Variants in THSD4 observed in about 807,000 individuals in gnomAD.
THSD4 encodes the protein thrombospondin type-1 domain-containing protein 4.
In THSD4, 69 loss-of-function variants were observed where a neutral mutation model predicts 119.0. That is an observed-to-expected ratio of 0.58 (90% CI 0.48 to 0.71). The LOEUF (loss-of-function observed/expected upper bound fraction) is 0.71. Ranked by LOEUF, THSD4 falls within the 30% of genes least tolerant of loss-of-function variation. The probability of loss-of-function intolerance (pLI) is 0.00; values close to 1 mark genes in which losing one functional copy is unlikely to be tolerated. For missense variants in THSD4, 1,393 were observed against 1,391.1 expected (o/e 1.00, Z -0.02); for synonymous variants, 524 against 540.4 (o/e 0.97, Z 0.42).
At chr15:71,386,616 T>C (rs1179158444) in intron 6 of THSD4, among the ~76,000 whole-genome samples, 1 of 152,230 alleles carries the variant, frequency 6.6e-6, no homozygotes, top group Non-Finnish European at 1.5e-5. Context: ...AATGCAGACA[T>C]TTAAATTTCC....
chr15:71,402,594 G>T (rs939779249), intron 6 of THSD4, among the ~76,000 whole-genome samples: 1 of 152,180 alleles, frequency 6.6e-6, no homozygotes, highest in African/African-American at 2.4e-5. Context: ...AGCAGGGAGA[G>T]CCCTGAAGAG....
intron 7 of THSD4, among the ~76,000 whole-genome samples, chr15:71,436,422 A>G (rs944426012): frequency 1.3e-5 from 2 of 152,184 alleles, no homozygotes; most frequent in African/African-American, 4.8e-5. Context: ...ATTAATCTTA[A>G]ATTTGGAAAG....
At chr15:71,408,999 TTA>T (rs1387719904) in intron 6 of THSD4, among the ~76,000 whole-genome samples, 1 of 152,046 alleles carries the variant, frequency 6.6e-6, no homozygotes, top group Non-Finnish European at 1.5e-5. Context: ...GTCCTCAGGT[TTA>T]TTTATCTCCT....
At chr15:71,212,039 GT>G (rs1596271525) in intron 3 of THSD4, among the ~76,000 whole-genome samples, 2 of 152,170 alleles carry the variant, frequency 1.3e-5, no homozygotes, top group East Asian at 3.9e-4. Flanking sequence ...AGGGGAGAGG[GT>G]TGTCAGGAGG....
At chr15:71,488,554 T>C (rs551568759) in intron 7 of THSD4, among the ~76,000 whole-genome samples, 5 of 123,764 alleles carry the variant, frequency 4.0e-5, no homozygotes, top group South Asian at 5.4e-4. Context: ...TGAGGCTCTT[T>C]AGCAACTTTC....
At chr15:71,172,258 G>A (rs991454014) in intron 3 of THSD4, 1 of 152,142 alleles carries the variant, frequency 6.6e-6, no homozygotes, top group Non-Finnish European at 1.5e-5. Context: ...CTGGGAGGCA[G>A]AGGTTGCAGT....
chr15:71,292,826 A>G (rs1456818960), intron 6 of THSD4, among the ~76,000 whole-genome samples: 27 of 151,788 alleles, frequency 1.8e-4, no homozygotes, highest in Admixed American at 1.7e-3. Flanking sequence ...ACAGGCACCC[A>G]CCACCACGCC....
intron 8 of THSD4, among the ~76,000 whole-genome samples, chr15:71,708,898 T>C (rs769718421): frequency 9.2e-5 from 14 of 152,244 alleles, no homozygotes; most frequent in South Asian, 2.1e-4. Flanking sequence ...GTTATGGTGC[T>C]GCACACAGCT....
intron 1 of THSD4, among the ~76,000 whole-genome samples, chr15:71,123,643 G>T (rs552499062): frequency 6.6e-6 from 1 of 152,334 alleles, no homozygotes; most frequent in East Asian, 1.9e-4. Flanking sequence ...TAAACATGCC[G>T]TAGAGAGGCT....
intron 7 of THSD4, among the ~76,000 whole-genome samples, chr15:71,619,787 A>G (rs2050388923): frequency 6.6e-6 from 1 of 152,260 alleles, no homozygotes; most frequent in Non-Finnish European, 1.5e-5. Flanking sequence ...AAATGCATAC[A>G]CATGGAGGGA....
chr15:71,110,235 C>T (rs1567127816), intron 1 of THSD4: 1 of 152,108 alleles, frequency 6.6e-6, no homozygotes, highest in South Asian at 2.1e-4. Context: ...AAAAGGCAGA[C>T]GCAGGATATT....
At chr15:71,676,117 G>C (rs74022191) in intron 8 of THSD4, among the ~76,000 whole-genome samples, 14,082 of 152,202 alleles carry the variant, frequency 0.093, 695 homozygotes, top group South Asian at 0.17. Context: ...AGAGTATCCA[G>C]CTCTTAAAAA....
At chr15:71,519,246 TG>T (rs966588393) in intron 7 of THSD4, among the ~76,000 whole-genome samples, 1 of 152,130 alleles carries the variant, frequency 6.6e-6, no homozygotes, top group Non-Finnish European at 1.5e-5. Flanking sequence ...GTGTAGCCGG[TG>T]GGGGTGAGTG....
At chr15:71,427,852 A>G (rs1455796743) in intron 7 of THSD4, among the ~76,000 whole-genome samples, 9 of 152,072 alleles carry the variant, frequency 5.9e-5, no homozygotes, top group African/African-American at 1.4e-4. Flanking sequence ...GCTTTGGTCA[A>G]TCAGGATGTC....
chr15:71,548,531 C>G (rs370295747), intron 7 of THSD4, among the ~76,000 whole-genome samples: 63 of 152,268 alleles, frequency 4.1e-4, no homozygotes, highest in African/African-American at 1.2e-3. Context: ...TTGCTCTGTT[C>G]AAAACAGACA....
At chr15:71,408,604 C>T (rs2046639746) in intron 6 of THSD4, among the ~76,000 whole-genome samples, 1 of 152,034 alleles carries the variant, frequency 6.6e-6, no homozygotes, top group African/African-American at 2.4e-5. Flanking sequence ...GTAATCCTAG[C>T]ACTTTGGGAG....
intron 7 of THSD4, among the ~76,000 whole-genome samples, chr15:71,447,521 T>C (rs2047202495): frequency 6.6e-6 from 1 of 152,196 alleles, no homozygotes. Flanking sequence ...TTCCTTTTGA[T>C]GCCTTCTGAC....
chr15:71,350,809 G>C (rs1044217301), intron 6 of THSD4, among the ~76,000 whole-genome samples: 1 of 152,090 alleles, frequency 6.6e-6, no homozygotes, highest in Non-Finnish European at 1.5e-5. Context: ...GATTCAGGGC[G>C]TCTCCTGTGT....
intron 14 of THSD4, among the ~76,000 whole-genome samples, chr15:71,753,973 T>G (rs1567136853): frequency 6.6e-6 from 1 of 152,224 alleles, no homozygotes; most frequent in Non-Finnish European, 1.5e-5. Context: ...TTACTTGGTT[T>G]TGAAAGCAGA....
Sources: gnomAD v4.1 joint callset for allele counts (sites outside exome capture counted in the v4.1 genomes callset) on GRCh38, gnomAD v4.1.1 for gene constraint, MANE v1.5 for transcripts, NCBI Gene and HGNC (gene_info 2026-07-23, HGNC 2026-07-21) for gene names.